Variants in HMCN2 observed in about 807,000 individuals in gnomAD.
The protein encoded by HMCN2 is hemicentin 2.
HMCN2 carries 325 observed loss-of-function variants against 377.5 expected under a neutral mutation model. The observed-to-expected ratio is 0.86, with a 90% CI of 0.79 to 0.94. The LOEUF (loss-of-function observed/expected upper bound fraction) is 0.94, where lower values mean the gene tolerates loss of function less well. HMCN2 is among the 40% of genes least tolerant of loss of function. The probability of loss-of-function intolerance (pLI) is 0.00; values close to 1 mark genes in which losing one functional copy is unlikely to be tolerated. For missense variants in HMCN2, 4,543 were observed against 4,725.3 expected (o/e 0.96, Z 1.13); for synonymous variants, 2,007 against 2,046.8 (o/e 0.98, Z 0.53).
intron 4 of HMCN2, among the ~76,000 whole-genome samples, chr9:130,287,551 TAAAAAA>T (rs142931668): frequency 1.6e-4 from 15 of 93,288 alleles, no homozygotes; most frequent in African/African-American, 5.8e-4. Context: ...AACTCTGTCT[TAAAAAA>T]AAAAAAAAAA....
At chr9:130,399,733 C>T (rs1842777449) in intron 76 of HMCN2, 101 bp downstream of exon 76, 1 of 845,172 alleles carries the variant, frequency 1.2e-6, no homozygotes, top group Admixed American at 2.8e-5. Flanking sequence ...TGGCTTTTTC[C>T]TGTGCTGCAC....
chr9:130,403,125 G>C, intron 78 of HMCN2, 69 bp from the exon 79 acceptor site: 1 of 1,238,720 alleles, frequency 8.1e-7, no homozygotes, highest in Non-Finnish European at 1.0e-6. Context: ...CTGATGCTCC[G>C]AGGCCCGCTG....
chr9:130,379,238 C>G lies in HMCN2; in HGVS notation c.8213-11C>G. ...GCTGTGCTTCCTAAGGGCTTTGTCT[C>G]CCCCACCCAGTGCCCCCCATGTTCC... On this transcript the variant is annotated splice_polypyrimidine_tract_variant and intron_variant, in intron 53 of 97. Transcript: ENST00000683500. The G allele has an allele frequency of 1.0e-6, 1 of 979,092 alleles. No homozygotes were observed. Among genetic ancestry groups the G allele is most frequent in the Non-Finnish European group, 1.2e-6 (1 of 823,866 alleles). 60.7% of individuals were successfully genotyped at this position (979,092 alleles called of 1,614,324 possible). A position where few individuals can be genotyped will look rare whatever the true frequency, so the allele number is the denominator to read the frequency against.
At chr9:130,338,440 C>G (rs1225895259) in intron 23 of HMCN2, 1 of 152,300 alleles carries the variant, frequency 6.6e-6, no homozygotes, top group African/African-American at 2.4e-5. Context: ...GCCACAGAGC[C>G]CCTCCTGCTG....
rs782490137 is a variant in HMCN2, at chr9:130,292,989, TCTATCTATCTAC to T, written c.613-1862_613-1851del. Among the ~76,000 whole-genome samples, 323 of 145,802 alleles carry T rather than the reference TCTATCTATCTAC, an allele frequency of 2.2e-3. 1 individual carries two copies. The East Asian group carries it at 0.026, about 12-fold the overall frequency. The stretch of plus-strand genomic sequence containing the variant: ...ATCTATCTATCTATCTATCTATCTA[TCTATCTATCTAC>T]CTACCTACCTGCCTATATACCTACC... On this transcript the variant is annotated intron_variant, in intron 4 of 97. Coordinates refer to ENST00000683500, the MANE Select transcript of HMCN2 (RefSeq NM_001291815.2).
chr9:130,348,500 C>T, intron 26 of HMCN2, 45 bp from the exon 27 acceptor site: 1 of 1,296,906 alleles, frequency 7.7e-7, no homozygotes, highest in African/African-American at 1.5e-5. Flanking sequence ...GGCTGTGGCT[C>T]TAAGGGGGCA....
Position 130,355,042 on chromosome 9 carries a change from A to G in HMCN2, c.5144A>G (p.Gln1715Arg), listed in dbSNP as rs757849322. Reference protein sequence around the residue: ...EAVLQYSVEVQVPPQLLVAEG... With the variant: ...EAVLQYSVEVRVPPQLLVAEG... ...GTCCTGCAGTACTCCGTGGAGGTTC[A>G]GGGTGAGCCCGGCCCACCCCACTCA... is the stretch of plus-strand genomic sequence containing the variant. The change falls in exon 32 of 98, where the codon CAG becomes CGG. Residue 1715 changes from glutamine to arginine, a missense_variant and splice_region_variant. By Grantham distance (43) the Gln-to-Arg change is conservative. Coordinates refer to ENST00000683500, the MANE Select transcript of HMCN2 (RefSeq NM_001291815.2). The G allele has an allele frequency of 3.8e-5, 49 of 1,275,414 alleles. No homozygotes were observed. The highest frequency in any genetic ancestry group is 7.0e-5 in the Admixed American group (3 of 43,006). The allele number at this position is 1,275,414 out of a possible 1,614,324, so 79.0% of individuals were successfully genotyped here. A position where few individuals can be genotyped will look rare whatever the true frequency, so the allele number is the denominator to read the frequency against.
intron 85 of HMCN2, 32 bp downstream of exon 85, chr9:130,410,684 G>T (rs1452447023): frequency 6.5e-7 from 1 of 1,542,846 alleles, no homozygotes; most frequent in Non-Finnish European, 8.8e-7. Context: ...GTGGGGACGT[G>T]GGAAGTGTGC....
rs2131812252 is a variant in HMCN2 at position 130,424,864 on chromosome 9, T to C, written c.13470T>C (p.Ser4490=). 1 of 1,470,626 alleles carries C rather than the reference T, an allele frequency of 6.8e-7. No individual in the cohort carries two copies. The highest frequency in any genetic ancestry group is 9.0e-7 in the Non-Finnish European group (1 of 1,105,858). The allele number at this position is 1,470,626 out of a possible 1,614,324, so 91.1% of individuals were successfully genotyped here. The part of the protein sequence containing the change: ...RESGEALNGH[S]LTGGRFRQES... Reference sequence around the variant, plus strand: ...GTGGGGAAGCCCTGAATGGCCACTCTCTGACTGGGGGCAGGTTCCGGCAGG... The same window carrying C: ...GTGGGGAAGCCCTGAATGGCCACTCCCTGACTGGGGGCAGGTTCCGGCAGG... Residue 4490 remains serine, a synonymous_variant, in exon 88 of 98, where the codon TCT becomes TCC. Coordinates refer to ENST00000683500, the MANE Select transcript of HMCN2 (RefSeq NM_001291815.2).
In HMCN2 at chr9:130,392,071, C is replaced by A. The variant is rs1349602025; in HGVS notation, c.10089C>A (p.Leu3363=). The change falls in exon 66 of 98, where the codon CTC becomes CTA. Residue 3363 remains leucine, a synonymous_variant. Transcript: ENST00000683500. The part of the protein sequence containing the change: ...HVSWLKDGLP[L]PLSQRTLLHG... ...GCTGGCTCAAGGACGGCCTGCCCCT[C>A]CCGCTCTCCCAGCGCACCCTCCTCC... 6.1e-6 allele frequency: 6 copies of A among 988,578 alleles called. No homozygotes were observed. Among genetic ancestry groups the A allele is most frequent in the South Asian group, 4.7e-5 (1 of 21,386 alleles). 61.2% of individuals were successfully genotyped at this position (988,578 alleles called of 1,614,324 possible). A position where few individuals can be genotyped will look rare whatever the true frequency, so the allele number is the denominator to read the frequency against.
intron 79 of HMCN2, 103 bp downstream of exon 79, chr9:130,403,431 G>A: frequency 4.1e-6 from 5 of 1,206,912 alleles, no homozygotes; most frequent in Non-Finnish European, 5.4e-6. Context: ...CAGACCTGCT[G>A]AGAGGTCCTG....
In HMCN2 at chr9:130,265,956, C is replaced by A. The variant is rs558111121; in HGVS notation, c.78C>A (p.Pro26=). ...AAVAVAVAGA[P]GTVMPPTTGD... ...TGGCAGTGGCAGTGGCCGGGGCGCCCGGGACGGTAATGCCCCCCACCACGG... is the reference window on the plus strand; with the variant it reads ...TGGCAGTGGCAGTGGCCGGGGCGCCAGGGACGGTAATGCCCCCCACCACGG... Residue 26 remains proline, a synonymous_variant, in exon 1 of 98, where the codon CCC becomes CCA. Transcript: ENST00000683500. The A allele has an allele frequency of 2.4e-5, 11 of 454,582 alleles. No homozygotes were observed. The highest frequency in any genetic ancestry group is 3.6e-5 in the Non-Finnish European group (8 of 219,722). The allele number at this position is 454,582 out of a possible 1,614,324, so 28.2% of individuals were successfully genotyped here.
At chr9:130,416,131 G>T (rs1843684843) in intron 85 of HMCN2, among the ~76,000 whole-genome samples, 1 of 140,622 alleles carries the variant, frequency 7.1e-6, no homozygotes, top group Admixed American at 7.6e-5. Context: ...TGGAGACAGA[G>T]TCTCACTCTG....
chr9:130,278,120 G>GTTT (rs1554924115), intron 1 of HMCN2, among the ~76,000 whole-genome samples: 155 of 151,266 alleles, frequency 1.0e-3, no homozygotes, highest in African/African-American at 3.5e-3. Context: ...TTGTTTGTTT[G>GTTT]GTTGGTTGGT....
chr9:130,393,231 G>A lies in HMCN2; in HGVS notation c.10156G>A (p.Ala3386Thr). 2.0e-6 allele frequency: 2 copies of A among 988,226 alleles called. No homozygotes were observed. The highest frequency in any genetic ancestry group is 3.5e-5 in the African/African-American group (2 of 57,416). The allele number at this position is 988,226 out of a possible 1,614,324, so 61.2% of individuals were successfully genotyped here. ...HTLRISKVQL[A>T]DAGIFTCVAA... Reference sequence around the variant, plus strand: ...ATTCAGGATTTCCAAGGTGCAATTGGCAGACGCTGGCATCTTCACCTGTGT... The same window carrying A: ...ATTCAGGATTTCCAAGGTGCAATTGACAGACGCTGGCATCTTCACCTGTGT... The change falls in exon 67 of 98, where the codon GCA becomes ACA. Residue 3386 changes from alanine to threonine, a missense_variant. Ala to Thr is a moderately conservative substitution (Grantham distance 58). Transcript: ENST00000683500. The surrounding 1 kb of genome is among the most constrained non-coding windows in gnomAD (Gnocchi z 5.2).
chr9:130,278,346 G>T (rs1834911991), intron 1 of HMCN2, among the ~76,000 whole-genome samples: 1 of 151,918 alleles, frequency 6.6e-6, no homozygotes, highest in Non-Finnish European at 1.5e-5. Flanking sequence ...GGTTGGTCTT[G>T]ATCTCCTGAC....
Position 130,374,581 on chromosome 9 carries a change from C to A in HMCN2, c.7518C>A (p.Asp2506Glu). 2.0e-6 allele frequency: 2 copies of A among 985,756 alleles called. No homozygotes were observed. The allele number at this position is 985,756 out of a possible 1,614,324, so 61.1% of individuals were successfully genotyped here. The change falls in exon 49 of 98, where the codon GAC becomes GAA. Residue 2506 changes from aspartate to glutamate, a missense_variant. Physicochemically the swap from Asp to Glu is conservative, Grantham distance 45. Around this residue, in one of 5 missense-constraint regions of HMCN2, gnomAD observed 736 missense variants for 773.2 expected, o/e 0.95. Transcript: ENST00000683500. Reference protein sequence around the residue: ...ARGDAHHISPDGVLLQVLQAN... With the variant: ...ARGDAHHISPEGVLLQVLQAN... The stretch of plus-strand genomic sequence containing the variant: ...GAGATGCTCACCACATCTCCCCAGA[C>A]GGAGTCCTCCTGCAGGTCCTCCAGG...
intron 22 of HMCN2, among the ~76,000 whole-genome samples, chr9:130,334,800 T>TTC (rs1489664480): frequency 2.8e-5 from 4 of 141,900 alleles, no homozygotes; most frequent in South Asian, 2.4e-4. Flanking sequence ...TCTCTCTCTC[T>TTC]TCTCTCTCTC....
Position 130,407,673 on chromosome 9 carries a change from G to T in HMCN2, c.12656G>T (p.Arg4219Leu). The T allele has an allele frequency of 7.9e-7, 1 of 1,260,960 alleles. No individual in the cohort carries two copies. The highest frequency in any genetic ancestry group is 1.0e-6 in the Non-Finnish European group (1 of 970,604). 78.1% of individuals were successfully genotyped at this position (1,260,960 alleles called of 1,614,324 possible). ...TGCTGGGCGGAGAACAGAGTGGGCC[G>T]CACGCAGGCGGTCAGCTTCGTCCAC... ...YVCWAENRVG[R>L]TQAVSFVHVK... Residue 4219 changes from arginine to leucine, a missense_variant, in exon 83 of 98, where the codon CGC becomes CTC. Arg to Leu is a moderately radical substitution (Grantham distance 102). Around this residue, in one of 5 missense-constraint regions of HMCN2, gnomAD observed 1,073 missense variants for 1,319.5 expected, o/e 0.81. Transcript: ENST00000683500.
Sources: allele counts gnomAD v4.1 joint callset (sites outside exome capture counted in the v4.1 genomes callset), GRCh38; gene constraint gnomAD v4.1.1; regional missense constraint gnomAD v4.1.1; non-coding constraint Gnocchi (gnomAD v3.1); transcripts MANE v1.5; gene names NCBI Gene and HGNC (gene_info 2026-07-23, HGNC 2026-07-21).